GADL1: variants seen among roughly 807,000 people sequenced by gnomAD.
GADL1 encodes the protein GAD like acidic amino acid decarboxylase 1.
Under a neutral mutation model 69.5 loss-of-function variants are expected in GADL1, and 71 were observed. The observed-to-expected ratio is 1.02, with a 90% CI of 0.84 to 1.25. The LOEUF (loss-of-function observed/expected upper bound fraction) is 1.25, where lower values mean the gene tolerates loss of function less well. Ranked by LOEUF, GADL1 falls within the 50% of genes most tolerant of loss-of-function variation. GADL1 has a pLI of 0.00. For synonymous variants in GADL1, 254 were observed against 214.4 expected, an observed-to-expected ratio of 1.18 and a Z score of -1.62; for missense variants, 737 against 631.8, an observed-to-expected ratio of 1.17 and a Z score of -1.79.
intron 14 of GADL1, among the ~76,000 whole-genome samples, chr3:30,742,117 T>C (rs28409314): frequency 4.6e-5 from 7 of 152,156 alleles, no homozygotes; most frequent in African/African-American, 1.7e-4. Context: ...GTAAATCACC[T>C]TCAGCTATTT....
intron 14 of GADL1, among the ~76,000 whole-genome samples, chr3:30,757,523 T>G (rs1167699747): frequency 6.6e-6 from 1 of 152,232 alleles, no homozygotes; most frequent in African/African-American, 2.4e-5. Context: ...TGTACAGCCT[T>G]AAAGCTAATG....
chr3:30,875,937 G>A (rs115448204), intron 1 of GADL1, among the ~76,000 whole-genome samples: 4,401 of 151,966 alleles, frequency 0.029, 178 homozygotes, highest in African/African-American at 0.089. Context: ...AATTGGACAC[G>A]CCTGGATTAC....
At chr3:30,893,362 A>G (rs368716000) in intron 1 of GADL1, among the ~76,000 whole-genome samples, 12 of 152,118 alleles carry the variant, frequency 7.9e-5, no homozygotes, top group African/African-American at 2.6e-4. Flanking sequence ...CAGGGTAATT[A>G]CCATACACCT....
intron 8 of GADL1, among the ~76,000 whole-genome samples, chr3:30,841,281 C>T (rs967151396): frequency 2.0e-5 from 3 of 152,176 alleles, no homozygotes; most frequent in African/African-American, 7.2e-5. Context: ...CTAACTCTAA[C>T]CCCATTGCCC....
At chr3:30,774,797 TTGACTC>T (rs780671823) in intron 14 of GADL1, among the ~76,000 whole-genome samples, 6 of 152,048 alleles carry the variant, frequency 3.9e-5, no homozygotes, top group Non-Finnish European at 7.3e-5. Context: ...ATAGTGGTCA[TTGACTC>T]TGACCGGGTT....
chr3:30,870,672 G>A (rs1698467791), intron 1 of GADL1, among the ~76,000 whole-genome samples: 1 of 151,690 alleles, frequency 6.6e-6, no homozygotes, highest in African/African-American at 2.4e-5. Flanking sequence ...AGAAGTCCAG[G>A]CAGTAGACAA....
intron 5 of GADL1, 31 bp from the exon 6 acceptor site, chr3:30,850,142 A>G: frequency 8.1e-7 from 1 of 1,228,728 alleles, no homozygotes; most frequent in Non-Finnish European, 1.2e-6. Context: ...TGGCATATTT[A>G]TAGCATGAAG....
chr3:30,854,855 A>T, intron 3 of GADL1, 66 bp from the exon 4 acceptor site: 1 of 762,978 alleles, frequency 1.3e-6, no homozygotes, highest in Non-Finnish European at 2.2e-6. Flanking sequence ...ATACAGCATT[A>T]ACATAAATGA....
rs1697318508 is a variant in GADL1 at position 30,809,747 on chromosome 3, C to A, written c.1051-8659G>T. On this transcript the variant is annotated intron_variant, in intron 11 of 14. Transcript: ENST00000282538. Reference sequence around the variant, plus strand: ...ATTGTAGAGAACTTTCATTTAAGTTCATATTTTTATATTACTTGGATTTAT... The same window carrying A: ...ATTGTAGAGAACTTTCATTTAAGTTAATATTTTTATATTACTTGGATTTAT... Among the ~76,000 whole-genome samples the A allele has an allele frequency of 5.3e-5, 8 of 152,108 alleles. No individual in the cohort carries two copies. The South Asian group carries it at 1.7e-3, about 32-fold the overall frequency.
intron 14 of GADL1, among the ~76,000 whole-genome samples, chr3:30,760,790 C>T (rs1696107209): frequency 6.6e-6 from 1 of 152,040 alleles, no homozygotes; most frequent in Non-Finnish European, 1.5e-5. Flanking sequence ...GACTTCTCCA[C>T]ATGTTTTTCT....
chr3:30,826,702 A>G (rs183741374), intron 11 of GADL1, among the ~76,000 whole-genome samples: 28 of 151,320 alleles, frequency 1.9e-4, no homozygotes, highest in Non-Finnish European at 1.5e-5. Flanking sequence ...AGAAGGGGTC[A>G]AGAGAGGACC....
chr3:30,861,820 C>T (rs1575238739), intron 1 of GADL1, 55 bp from the exon 2 acceptor site: 1 of 1,190,382 alleles, frequency 8.4e-7, no homozygotes, highest in Non-Finnish European at 1.2e-6. Context: ...CACCACATAA[C>T]AAAGCACGGG....
intron 8 of GADL1, among the ~76,000 whole-genome samples, 174 bp from the exon 9 acceptor site, chr3:30,839,287 T>C (rs1415770973): frequency 7.2e-5 from 11 of 152,060 alleles, no homozygotes; most frequent in Admixed American, 7.2e-4. Flanking sequence ...CTTGGCATTA[T>C]AAACAGATTA....
chr3:30,759,908 C>G (rs1696087856), intron 14 of GADL1, among the ~76,000 whole-genome samples: 1 of 152,148 alleles, frequency 6.6e-6, no homozygotes, highest in South Asian at 2.1e-4. Flanking sequence ...GACTTGTGCT[C>G]TATGCCTCTG....
chr3:30,855,806 T>G (rs1439564697), intron 3 of GADL1, among the ~76,000 whole-genome samples: 6 of 151,922 alleles, frequency 3.9e-5, no homozygotes, highest in African/African-American at 1.4e-4. Flanking sequence ...TCATTACAAC[T>G]TACAGCATCT....
chr3:30,752,303 C>T (rs1559487272), intron 14 of GADL1, among the ~76,000 whole-genome samples: 1 of 148,178 alleles, frequency 6.7e-6, no homozygotes, highest in East Asian at 2.0e-4. Context: ...ACTTTCATTT[C>T]AGGCGTTGTA....
rs901412279 is a variant in GADL1 at position 30,886,431 on chromosome 3, A to G, written c.37+8147T>C. On this transcript the variant is annotated intron_variant, in intron 1 of 14. Transcript: ENST00000282538. ...GTAAGCAAGACCGTCCCCCATGAGT[A>G]ACTGTGCAGTTTTGCATTATAAAGA... is the stretch of plus-strand genomic sequence containing the variant. 1.2e-4 allele frequency among the ~76,000 whole-genome samples: 18 copies of G among 152,260 alleles called. 1 individual carries two copies. The highest frequency in any genetic ancestry group is 3.6e-4 in the African/African-American group (15 of 41,570).
At chr3:30,833,659 A>G (rs1697826793) in intron 11 of GADL1, among the ~76,000 whole-genome samples, 194 bp downstream of exon 11, 1 of 152,074 alleles carries the variant, frequency 6.6e-6, no homozygotes. Flanking sequence ...AATCCACAAA[A>G]TTACCTGAGC....
intron 1 of GADL1, among the ~76,000 whole-genome samples, chr3:30,892,924 T>C (rs943492978): frequency 2.6e-5 from 4 of 152,236 alleles, no homozygotes; most frequent in African/African-American, 9.6e-5. Flanking sequence ...GGCGCGAATC[T>C]TGGCTCACTG....
Sources: gnomAD v4.1 joint callset for allele counts (sites outside exome capture counted in the v4.1 genomes callset) on GRCh38, gnomAD v4.1.1 for gene constraint, MANE v1.5 for transcripts, NCBI Gene and HGNC (gene_info 2026-07-23, HGNC 2026-07-21) for gene names.